POU2F1: variants seen among roughly 807,000 people sequenced by gnomAD.
POU2F1 encodes the protein POU domain, class 2, transcription factor 1.
POU2F1 carries 16 observed loss-of-function variants against 84.9 expected under a neutral mutation model. The observed-to-expected ratio is 0.19, with a 90% CI of 0.13 to 0.29. POU2F1 has a LOEUF of 0.29. Ranked by LOEUF, POU2F1 falls within the 10% of genes least tolerant of loss-of-function variation. The pLI, the probability that POU2F1 is intolerant of heterozygous loss-of-function variation, is 1.00. For missense variants in POU2F1, 738 were observed against 942.6 expected, an observed-to-expected ratio of 0.78 and a Z score of 2.84; for synonymous variants, 368 against 368.3, an observed-to-expected ratio of 1.00 and a Z score of 0.01.
At chr1:167,268,791 GA>G (rs1215617426) in intron 1 of POU2F1, among the ~76,000 whole-genome samples, 3 of 152,166 alleles carry the variant, frequency 2.0e-5, no homozygotes, top group Non-Finnish European at 4.4e-5. Flanking sequence ...CACAAGAAGG[GA>G]AAATGAGCTG....
chr1:167,293,255 A>G (rs192426752), intron 1 of POU2F1, among the ~76,000 whole-genome samples: 2 of 152,310 alleles, frequency 1.3e-5, no homozygotes, highest in East Asian at 3.9e-4. Flanking sequence ...AAAGACTCTT[A>G]GATTCGAGAA....
intron 1 of POU2F1, among the ~76,000 whole-genome samples, chr1:167,324,475 G>T (rs967278608): frequency 6.6e-6 from 1 of 151,134 alleles, no homozygotes; most frequent in African/African-American, 2.5e-5. Context: ...ATTGGTGAAT[G>T]AATGTGTATT....
chr1:167,326,419 G>A (rs1656710022), intron 1 of POU2F1, among the ~76,000 whole-genome samples: 1 of 152,120 alleles, frequency 6.6e-6, no homozygotes, highest in African/African-American at 2.4e-5. Flanking sequence ...TTCTTCTTTT[G>A]GACATAAATG....
intron 7 of POU2F1, chr1:167,376,410 C>T (rs1356037935): frequency 2.9e-6 from 1 of 342,256 alleles, no homozygotes; most frequent in Admixed American, 4.7e-5. Context: ...GGCCAAAAGT[C>T]TAAGTGAAAT....
chr1:167,405,674 G>A (rs1030810641), intron 13 of POU2F1, among the ~76,000 whole-genome samples: 4 of 152,046 alleles, frequency 2.6e-5, no homozygotes, highest in East Asian at 1.9e-4. Flanking sequence ...AGAACAGAGC[G>A]AGACCCTGTT....
At chr1:167,240,370 G>T (rs943739382) in intron 1 of POU2F1, among the ~76,000 whole-genome samples, 1 of 152,160 alleles carries the variant, frequency 6.6e-6, no homozygotes, top group African/African-American at 2.4e-5. Context: ...GGGCAGTGAA[G>T]AAATTAAAAT....
At chr1:167,258,705 T>TA (rs2102426242) in intron 1 of POU2F1, among the ~76,000 whole-genome samples, 1 of 152,346 alleles carries the variant, frequency 6.6e-6, no homozygotes, top group Admixed American at 6.5e-5. Flanking sequence ...TGTAGATACT[T>TA]ATATAACAAG....
intron 8 of POU2F1, 39 bp downstream of exon 8, chr1:167,383,990 A>G (rs748525576): frequency 3.3e-6 from 5 of 1,514,302 alleles, no homozygotes; most frequent in Admixed American, 2.0e-5. Context: ...CTCTTATCAT[A>G]TTGTTTGGGG....
At chr1:167,285,676 A>G (rs1238417852) in intron 1 of POU2F1, among the ~76,000 whole-genome samples, 1 of 152,178 alleles carries the variant, frequency 6.6e-6, no homozygotes, top group Non-Finnish European at 1.5e-5. Context: ...GTTCAAGCCC[A>G]GTTTCCCTTT....
intron 12 of POU2F1, 71 bp downstream of exon 12, chr1:167,399,436 C>A: frequency 7.7e-7 from 1 of 1,294,490 alleles, no homozygotes; most frequent in Non-Finnish European, 1.1e-6. Context: ...CCTGTTAAAT[C>A]AGTTTATTTC....
chr1:167,241,359 T>G (rs1375724815), intron 1 of POU2F1: 1 of 152,146 alleles, frequency 6.6e-6, no homozygotes, highest in Non-Finnish European at 1.5e-5. Context: ...TAACTAAATA[T>G]TTCGTTTTAA....
At chr1:167,317,771 C>T (rs1230984409) in intron 1 of POU2F1, among the ~76,000 whole-genome samples, 1 of 152,214 alleles carries the variant, frequency 6.6e-6, no homozygotes, top group Non-Finnish European at 1.5e-5. Flanking sequence ...AAGCATGTCA[C>T]AGTGCTGCAG....
At chr1:167,282,270 AAT>A (rs35524260) in intron 1 of POU2F1, among the ~76,000 whole-genome samples, 22,233 of 151,776 alleles carry the variant, frequency 0.15, 1,957 homozygotes, top group Non-Finnish European at 0.2. Flanking sequence ...CAGCCTCCCG[AAT>A]AGCTGGGATT....
chr1:167,250,733 A>G (rs750415646), intron 1 of POU2F1, among the ~76,000 whole-genome samples: 1 of 152,226 alleles, frequency 6.6e-6, no homozygotes, highest in Non-Finnish European at 1.5e-5. Flanking sequence ...TGGTAAACAG[A>G]AGAAACATAT....
intron 1 of POU2F1, among the ~76,000 whole-genome samples, chr1:167,274,671 C>T (rs1280312868): frequency 6.6e-6 from 1 of 152,132 alleles, no homozygotes; most frequent in Admixed American, 6.5e-5. Context: ...GATTAGTAGA[C>T]TTACTTCTTT....
chr1:167,375,964 G>A (rs1660297643), intron 6 of POU2F1, 65 bp from the exon 7 acceptor site: 2 of 1,570,114 alleles, frequency 1.3e-6, no homozygotes, highest in Non-Finnish European at 1.7e-6. Flanking sequence ...TCAGCTGGAA[G>A]CCTTATAATT....
At chr1:167,394,229 C>A (rs1295077123) in intron 9 of POU2F1, among the ~76,000 whole-genome samples, 1 of 151,966 alleles carries the variant, frequency 6.6e-6, no homozygotes, top group Non-Finnish European at 1.5e-5. Context: ...CCATGTTGGC[C>A]AGGCTGGTCT....
At chr1:167,337,623 G>A (rs1489309279) in intron 2 of POU2F1, among the ~76,000 whole-genome samples, 10 of 151,524 alleles carry the variant, frequency 6.6e-5, no homozygotes, top group Admixed American at 3.3e-4. Context: ...AGTGAAGGCC[G>A]TCTGTGGTGG....
At chr1:167,227,171 A>G (rs1648697391) in intron 1 of POU2F1, among the ~76,000 whole-genome samples, 1 of 152,188 alleles carries the variant, frequency 6.6e-6, no homozygotes, top group South Asian at 2.1e-4. Flanking sequence ...GCCAATGTTC[A>G]CATTCCACAA....
Sources: allele counts gnomAD v4.1 joint callset (sites outside exome capture counted in the v4.1 genomes callset), GRCh38; gene constraint gnomAD v4.1.1; transcripts MANE v1.5; gene names NCBI Gene and HGNC (gene_info 2026-07-23, HGNC 2026-07-21).